ERICH6: variants seen among roughly 807,000 people sequenced by gnomAD.
ERICH6 encodes the protein glutamate rich 6.
ERICH6 carries 71 observed loss-of-function variants against 71.0 expected under a neutral mutation model. The ratio of observed to expected loss-of-function variants is 1.00; its 90% CI spans 0.83 to 1.22. The LOEUF (loss-of-function observed/expected upper bound fraction) is 1.22, where lower values mean the gene tolerates loss of function less well. Among genes scored for constraint, ERICH6 ranks in the 50% most tolerant of loss-of-function variants. ERICH6 has a pLI of 0.00. For synonymous variants in ERICH6, 262 were observed against 278.4 expected (o/e 0.94, Z 0.59); for missense variants, 808 against 797.2 (o/e 1.01, Z -0.16).
At chr3:150,697,307 A>G (rs1229674232) in intron 3 of ERICH6, among the ~76,000 whole-genome samples, 2 of 152,176 alleles carry the variant, frequency 1.3e-5, no homozygotes, top group East Asian at 1.9e-4. Flanking sequence ...AAAAGAAACT[A>G]TTGTTTGATT....
intron 6 of ERICH6, among the ~76,000 whole-genome samples, chr3:150,684,931 G>A (rs981819298): frequency 1.3e-5 from 2 of 151,980 alleles, no homozygotes; most frequent in African/African-American, 4.8e-5. Context: ...TTGAGCCCAG[G>A]AGGTTGAGAC....
intron 8 of ERICH6, 47 bp downstream of exon 8, chr3:150,680,726 G>A (rs368067441): frequency 1.8e-5 from 28 of 1,571,054 alleles, no homozygotes; most frequent in East Asian, 4.5e-5. Flanking sequence ...AACGAGCTCC[G>A]ATTAAGCCGG....
rs538823944 is a variant in ERICH6, at chr3:150,666,710, GTAA to G, written c.1728+74_1728+76del. 270 of 1,277,388 alleles carry G rather than the reference GTAA, an allele frequency of 2.1e-4. No homozygotes were observed. The African/African-American group carries it at 3.4e-3, about 16-fold the overall frequency. The allele number at this position is 1,277,388 out of a possible 1,614,324, so 79.1% of individuals were successfully genotyped here. ...GATTATGCACTAGTGTAATCTATCA[GTAA>G]TAATACTAACAAAAGTTAGTTTACT... On this transcript the variant is annotated intron_variant, in intron 13 of 13. Transcript: ENST00000295910.
chr3:150,686,041 T>A lies in ERICH6; in HGVS notation c.611-20A>T. 1 of 1,579,550 alleles carries A rather than the reference T, an allele frequency of 6.3e-7. No individual in the cohort carries two copies. Among genetic ancestry groups the A allele is most frequent in the Non-Finnish European group, 8.7e-7 (1 of 1,148,944 alleles). On this transcript the variant is annotated intron_variant, in intron 4 of 13. Coordinates refer to ENST00000295910, the MANE Select transcript of ERICH6 (RefSeq NM_152394.5). ...ATTTTTCTGGAGAGAAAGAATAGAT[T>A]CATAAGAAATGTTTAAAGCCTTTGT... is the stretch of plus-strand genomic sequence containing the variant.
chr3:150,677,243 C>CTAT, intron 10 of ERICH6, among the ~76,000 whole-genome samples: 1 of 152,092 alleles, frequency 6.6e-6, no homozygotes, highest in Non-Finnish European at 1.5e-5. Flanking sequence ...TTGCCTGGTT[C>CTAT]ACCCCTTAAA....
At position 150,703,908 on chromosome 3, in the gene ERICH6, G is replaced by C; in HGVS notation, c.-10C>G. On this transcript the variant is annotated 5_prime_UTR_variant, in exon 1 of 14. Coordinates refer to ENST00000295910, the MANE Select transcript of ERICH6 (RefSeq NM_152394.5). Reference sequence around the variant, plus strand: ...AGCGCAAGTGGGCCATGGCTGGCGGGAGGCGGGATTACAGCCAGCTCTTTG... The same window carrying C: ...AGCGCAAGTGGGCCATGGCTGGCGGCAGGCGGGATTACAGCCAGCTCTTTG... 3 of 1,612,864 alleles carry C rather than the reference G, an allele frequency of 1.9e-6. No individual in the cohort carries two copies. Among genetic ancestry groups the C allele is most frequent in the Non-Finnish European group, 2.5e-6 (3 of 1,179,306 alleles).
intron 12 of ERICH6, among the ~76,000 whole-genome samples, chr3:150,667,890 T>A (rs889812463): frequency 2.6e-5 from 4 of 152,222 alleles, no homozygotes; most frequent in Admixed American, 6.5e-5. Context: ...TACCTGTATA[T>A]AACTTAAAGG....
intron 3 of ERICH6, among the ~76,000 whole-genome samples, chr3:150,686,765 T>C (rs1187604151): frequency 3.3e-5 from 5 of 152,260 alleles, no homozygotes; most frequent in African/African-American, 1.2e-4. Flanking sequence ...TTTTTTCTTT[T>C]TTAAATGAAG....
intron 2 of ERICH6, among the ~76,000 whole-genome samples, chr3:150,701,907 G>A (rs918732300): frequency 7.2e-5 from 11 of 152,106 alleles, no homozygotes; most frequent in African/African-American, 2.4e-4. Context: ...ATTGATAAGT[G>A]GACATGTAAT....
intron 6 of ERICH6, among the ~76,000 whole-genome samples, chr3:150,685,025 A>AT (rs1712122891): frequency 6.6e-6 from 1 of 151,740 alleles, no homozygotes; most frequent in South Asian, 2.1e-4. Context: ...AATAATAATA[A>AT]TTTTTTTAAA....
In ERICH6 at chr3:150,669,417, G is replaced by A. The variant is rs773979173; in HGVS notation, c.1378C>T (p.Pro460Ser). 3 of 1,613,478 alleles carry A rather than the reference G, an allele frequency of 1.9e-6. No homozygotes were observed. Among genetic ancestry groups the A allele is most frequent in the Non-Finnish European group, 1.7e-6 (2 of 1,179,792 alleles). ...CAAGTAAAACCATTTACCTTGTTGG[G>A]CACTCGAATGATGGCTAGGTTTCCA... ...PSGNLAIIRV[P>S]NKVNGFTCIV... The change falls in exon 12 of 14, where the codon CCC becomes TCC. Residue 460 changes from proline to serine, a missense_variant. Transcript: ENST00000295910.
At chr3:150,674,905 G>T (rs539903012) in intron 10 of ERICH6, among the ~76,000 whole-genome samples, 2 of 152,158 alleles carry the variant, frequency 1.3e-5, no homozygotes, top group South Asian at 4.2e-4. Context: ...GGCTGAGGCA[G>T]GTGGATCACC....
chr3:150,703,281 G>T (rs1021684341), intron 1 of ERICH6, among the ~76,000 whole-genome samples: 1 of 151,772 alleles, frequency 6.6e-6, no homozygotes, highest in Non-Finnish European at 1.5e-5. Context: ...ATGGTGTTTC[G>T]CCTATATCCT....
At chr3:150,665,972 T>G (rs1004590592) in intron 13 of ERICH6, among the ~76,000 whole-genome samples, 1 of 152,230 alleles carries the variant, frequency 6.6e-6, no homozygotes, top group African/African-American at 2.4e-5. Flanking sequence ...TATATTATTT[T>G]ATTTAGTGCC....
intron 13 of ERICH6, among the ~76,000 whole-genome samples, chr3:150,662,627 TTCTA>T (rs1008560059): frequency 5.3e-5 from 8 of 152,216 alleles, no homozygotes; most frequent in Non-Finnish European, 7.3e-5. Flanking sequence ...GGGTAAATCT[TTCTA>T]TCTATTTGAA....
chr3:150,670,534 A>G lies in ERICH6; in HGVS notation c.1344-1083T>C, dbSNP rs534096414. Among the ~76,000 whole-genome samples the G allele has an allele frequency of 5.9e-5, 9 of 152,120 alleles. No homozygotes were observed. In the South Asian group the frequency reaches 6.2e-4, roughly 11 times the overall value. ...GCCATGGAAGTTTAGGGAAAAAAAAAAGGAAATGAAAAGCATCCAGATTGG... is the reference window on the plus strand; with the variant it reads ...GCCATGGAAGTTTAGGGAAAAAAAAGAGGAAATGAAAAGCATCCAGATTGG... On this transcript the variant is annotated intron_variant, in intron 11 of 13. Coordinates refer to ENST00000295910, the MANE Select transcript of ERICH6 (RefSeq NM_152394.5).
chr3:150,674,814 T>C (rs1330444195), intron 10 of ERICH6, among the ~76,000 whole-genome samples: 1 of 152,164 alleles, frequency 6.6e-6, no homozygotes, highest in Non-Finnish European at 1.5e-5. Flanking sequence ...CCTTTTTTTT[T>C]TTTCTTGGTC....
intron 1 of ERICH6, among the ~76,000 whole-genome samples, chr3:150,703,250 C>A (rs938988684): frequency 1.3e-5 from 2 of 151,896 alleles, no homozygotes; most frequent in Admixed American, 6.6e-5. Context: ...CTTCATACAG[C>A]CATGCCCAAG....
chr3:150,696,519 A>G (rs971152034), intron 3 of ERICH6, among the ~76,000 whole-genome samples: 19 of 152,194 alleles, frequency 1.2e-4, no homozygotes, highest in Non-Finnish European at 2.6e-4. Context: ...AATCTGCAAC[A>G]TATACAACAT....
Sources: allele counts gnomAD v4.1 joint callset (sites outside exome capture counted in the v4.1 genomes callset), GRCh38; gene constraint gnomAD v4.1.1; transcripts MANE v1.5; gene names NCBI Gene and HGNC (gene_info 2026-07-23, HGNC 2026-07-21).